Variants in ALAS2 observed in about 807,000 individuals in gnomAD.
ALAS2 encodes 5-aminolevulinate synthase, erythroid-specific, mitochondrial.
Under a neutral mutation model 33.7 loss-of-function variants are expected in ALAS2, and 3 were observed. The observed-to-expected ratio is 0.09, with a 90% confidence interval of 0.04 to 0.23. The LOEUF is 0.23. ALAS2 is among the 10% of genes least tolerant of loss of function. The pLI, the probability that ALAS2 is intolerant of heterozygous loss-of-function variation, is 1.00. For synonymous variants in ALAS2, 191 were observed against 177.3 expected, an observed-to-expected ratio of 1.08 and a Z score of -0.61; for missense variants, 304 against 475.1, an observed-to-expected ratio of 0.64 and a Z score of 3.35.
chrX:55,027,647 C>T, intron 1 of ALAS2: 1 of 799,750 alleles, frequency 1.3e-6, no homozygotes, highest in Non-Finnish European at 1.9e-6. Flanking sequence ...CACCCTCAGC[C>T]TTATGTTTTG....
Position 55,024,802 on chromosome X carries a change from G to A in ALAS2, c.220C>T (p.Leu74=), listed in dbSNP as rs200307584. The change falls in exon 3 of 11, where the codon CTG becomes TTG. Residue 74 remains leucine (L), a synonymous_variant. Transcript: ENST00000650242. The part of the protein sequence containing the change: ...SWAKGHCPFM[L]SELQDGKSKI... ...CTCTTCCCATCCTGGAGTTCCGACA[G>A]CATGAAGGGACAGTGGCCCTTCGCC... 6.4e-5 allele frequency: 77 copies of A among 1,209,942 alleles called. No homozygotes were observed. The East Asian group carries it at 2.2e-3, about 34-fold the overall frequency.
intron 7 of ALAS2, among the ~76,000 whole-genome samples, chrX:55,015,957 CTCTGTGTGTGTGTGTGTGTG>C (rs1237851347): frequency 3.5e-5 from 3 of 86,268 alleles, no homozygotes; most frequent in African/African-American, 1.3e-4. Context: ...CTCTCTGTCT[CTCTGTGTGTGTGTGTGTGTG>C]TGTGTGTGTG....
intron 6 of ALAS2, among the ~76,000 whole-genome samples, chrX:55,019,200 G>C (rs1032146389): frequency 5.4e-5 from 6 of 110,999 alleles, no homozygotes; most frequent in African/African-American, 1.6e-4. Context: ...TGTTTAAAGA[G>C]AGGGAGAGGC....
chrX:55,012,117 A>G (rs1372058885), intron 10 of ALAS2, among the ~76,000 whole-genome samples: 1 of 112,011 alleles, frequency 8.9e-6, no homozygotes, highest in Non-Finnish European at 1.9e-5. Context: ...GCGCCTACCT[A>G]GCTTGTCTTC....
Position 55,026,024 on chromosome X carries a change from G to T in ALAS2, c.-15-9C>A. The T allele has an allele frequency of 8.3e-7, 1 of 1,202,764 alleles. No individual in the cohort carries two copies. The highest frequency in any genetic ancestry group is 1.1e-6 in the Non-Finnish European group (1 of 890,183). Reference sequence around the variant, plus strand: ...ATCTTGAACCTAAAGTCCTGCAGAAGACATGGAAGAGATGAGGTTCCATCA... The same window carrying T: ...ATCTTGAACCTAAAGTCCTGCAGAATACATGGAAGAGATGAGGTTCCATCA... On this transcript the variant is annotated splice_polypyrimidine_tract_variant and intron_variant, in intron 1 of 10. Transcript: ENST00000650242.
At chrX:55,023,731 CT>C (rs761517249) in intron 4 of ALAS2, 25 bp downstream of exon 4, 5 of 1,172,795 alleles carry the variant, frequency 4.3e-6, no homozygotes, top group African/African-American at 3.5e-5. Flanking sequence ...TTCCGGTCCC[CT>C]TTTTTTCCAC....
At chrX:55,028,542 G>T (rs770177520) in intron 1 of ALAS2, among the ~76,000 whole-genome samples, 3 of 111,750 alleles carry the variant, frequency 2.7e-5, no homozygotes, top group Non-Finnish European at 5.6e-5. Context: ...AAAAACAGGA[G>T]AAATTAACAC....
At chrX:55,016,064 CTT>C (rs1432375872) in intron 7 of ALAS2, among the ~76,000 whole-genome samples, 5 of 107,255 alleles carry the variant, frequency 4.7e-5, no homozygotes, top group African/African-American at 6.8e-5. Flanking sequence ...AGGCTTGACT[CTT>C]TGTCTTTCTG....
At chrX:55,025,687 G>A in intron 2 of ALAS2, 133 bp downstream of exon 2, 1 of 662,215 alleles carries the variant, frequency 1.5e-6, no homozygotes, top group Admixed American at 2.6e-5. Context: ...GGTATATTTT[G>A]GGGCCAGTTC....
intron 10 of ALAS2, among the ~76,000 whole-genome samples, chrX:55,011,097 A>T (rs1935594491): frequency 9.0e-6 from 1 of 111,502 alleles, no homozygotes; most frequent in Non-Finnish European, 1.9e-5. Context: ...AGCTGAAAAA[A>T]CAAAATGCAT....
At chrX:55,013,374 G>C in intron 10 of ALAS2, 112 bp downstream of exon 10, 1 of 827,596 alleles carries the variant, frequency 1.2e-6, no homozygotes, top group Non-Finnish European at 1.7e-6. Flanking sequence ...GCACACATTA[G>C]ATGTTCCAGA....
chrX:55,027,895 T>A, intron 1 of ALAS2: 1 of 778,973 alleles, frequency 1.3e-6, no homozygotes, highest in Non-Finnish European at 2.0e-6. Flanking sequence ...TTGGAGGGAC[T>A]AAATGAAACA....
Position 55,014,850 on chromosome X carries a change from G to C in ALAS2, c.1334C>G (p.Ala445Gly). The change falls in exon 9 of 11, where the codon GCC (alanine) becomes GGC (glycine). Residue 445 changes from alanine to glycine, a missense_variant. Ala to Gly is a moderately conservative substitution (Grantham distance 60, BLOSUM62 0). Transcript: ENST00000650242. ...ATTGCGCTGGTGGGCTCGCCTCAGG[G>C]CTTGGCCCTCCTCTCCCTTGAGCAG... ...VRLLKGEEGQ[A>G]LRRAHQRNVK... 8.3e-7 allele frequency: 1 copy of C among 1,206,507 alleles called. No individual in the cohort carries two copies. Among genetic ancestry groups the C allele is most frequent in the Non-Finnish European group, 1.1e-6 (1 of 892,842 alleles).
At chrX:55,029,363 G>A (rs940768000) in intron 1 of ALAS2, among the ~76,000 whole-genome samples, 1 of 111,743 alleles carries the variant, frequency 8.9e-6, no homozygotes, top group African/African-American at 3.3e-5. Context: ...GTGCCAGGCC[G>A]TGTTCTCATG....
chrX:55,020,314 G>A lies in ALAS2; in HGVS notation c.823+6C>T. ...GCCCTGAACAAAGCTCAGGCCTCAGGCTTACCTGGCAGGATCTTGGCCAAG... is the reference window on the plus strand; with the variant it reads ...GCCCTGAACAAAGCTCAGGCCTCAGACTTACCTGGCAGGATCTTGGCCAAG... On this transcript the variant is annotated splice_donor_region_variant and intron_variant, in intron 6 of 10. Transcript: ENST00000650242. 8.3e-7 allele frequency: 1 copy of A among 1,207,204 alleles called. No individual in the cohort carries two copies. Among genetic ancestry groups the A allele is most frequent in the Non-Finnish European group, 1.1e-6 (1 of 893,235 alleles).
intron 10 of ALAS2, among the ~76,000 whole-genome samples, chrX:55,010,176 T>G (rs1935578009): frequency 9.0e-6 from 1 of 111,658 alleles, no homozygotes; most frequent in Non-Finnish European, 1.9e-5. Flanking sequence ...GACCCTTGGC[T>G]CTACCTTCAA....
intron 9 of ALAS2, 140 bp downstream of exon 9, chrX:55,014,607 G>C (rs945683846): frequency 1.2e-6 from 1 of 828,961 alleles, no homozygotes; most frequent in Non-Finnish European, 1.6e-6. Context: ...TTTTCAAAAA[G>C]GGAAACAAAG....
intron 10 of ALAS2, among the ~76,000 whole-genome samples, chrX:55,010,104 A>G (rs1402262791): frequency 9.0e-6 from 1 of 111,456 alleles, no homozygotes; most frequent in African/African-American, 3.3e-5. Context: ...CAGTCCAAAA[A>G]TTTCAGAGCT....
At chrX:55,014,438 A>T (rs1485259051) in intron 9 of ALAS2, among the ~76,000 whole-genome samples, 2 of 111,365 alleles carry the variant, frequency 1.8e-5, no homozygotes, top group African/African-American at 6.6e-5. Context: ...ATAACCCACT[A>T]AGCTGATTTT....
Sources: allele counts gnomAD v4.1 joint callset (sites outside exome capture counted in the v4.1 genomes callset), GRCh38; gene constraint gnomAD v4.1.1; transcripts MANE v1.5; gene names NCBI Gene and HGNC (gene_info 2026-07-23, HGNC 2026-07-21).